Variants in AGBL4 observed in about 807,000 individuals in gnomAD.
The protein encoded by AGBL4 is AGBL carboxypeptidase 4, also known as cytosolic carboxypeptidase 6.
Under a neutral mutation model 66.4 loss-of-function variants are expected in AGBL4, and 58 were observed. The ratio of observed to expected loss-of-function variants is 0.87; its 90% CI spans 0.71 to 1.09. The LOEUF (loss-of-function observed/expected upper bound fraction) is 1.09, where lower values mean the gene tolerates loss of function less well. Among genes scored for constraint, AGBL4 ranks in the 50% least tolerant of loss-of-function variants. The probability of loss-of-function intolerance (pLI) is 0.00; values close to 1 mark genes in which losing one functional copy is unlikely to be tolerated. For missense variants in AGBL4, 579 were observed against 631.0 expected (o/e 0.92, Z 0.88); for synonymous variants, 234 against 222.9 (o/e 1.05, Z -0.44).
At chr1:49,506,923 A>G (rs1401611971) in intron 3 of AGBL4, among the ~76,000 whole-genome samples, 2 of 152,004 alleles carry the variant, frequency 1.3e-5, no homozygotes, top group African/African-American at 4.8e-5. Flanking sequence ...ATGGTTCCCA[A>G]TGAACCATAC....
intron 2 of AGBL4, among the ~76,000 whole-genome samples, chr1:49,738,025 G>A (rs1650047595): frequency 6.6e-6 from 1 of 152,198 alleles, no homozygotes; most frequent in African/African-American, 2.4e-5. Context: ...TGAGGTACCA[G>A]GTTCATTTCA....
Position 50,023,791 on chromosome 1 carries a change from C to T in AGBL4, c.6G>A (p.Ala2=), listed in dbSNP as rs1294938916. ...CCTCAGGCGCCGACTGGCTCCCCTC[C>T]GCCATTTTTGTTGTCCCTCAGTCTC... is the stretch of plus-strand genomic sequence containing the variant. M[A]EGSQSAPEAG... is the part of the protein sequence containing the mutation. Residue 2 remains alanine, a synonymous_variant, in exon 1 of 14, where the codon GCG becomes GCA. Transcript: ENST00000371839. The T allele has an allele frequency of 2.6e-6, 4 of 1,549,360 alleles. No individual in the cohort carries two copies. The highest frequency in any genetic ancestry group is 3.5e-6 in the Non-Finnish European group (4 of 1,146,090).
rs748671096 is a variant in AGBL4, at chr1:49,757,576, A to G, written c.158-60139T>C. The stretch of plus-strand genomic sequence containing the variant: ...TTTCAACCAAAAGGCTGATAGTGAT[A>G]TGGACAATGAAGTCCAGGTTGAGGT... On this transcript the variant is annotated intron_variant, in intron 2 of 13. Transcript: ENST00000371839. 4.1e-4 allele frequency among the ~76,000 whole-genome samples: 63 copies of G among 152,192 alleles called. 1 individual carries two copies. The highest frequency in any genetic ancestry group is 7.2e-4 in the Admixed American group (11 of 15,280).
In AGBL4 at chr1:49,707,333, T is replaced by G. The variant is rs192481214; in HGVS notation, c.158-9896A>C. Among the ~76,000 whole-genome samples the G allele has an allele frequency of 6.6e-5, 10 of 151,786 alleles. No individual in the cohort carries two copies. The East Asian group carries it at 1.9e-3, about 29-fold the overall frequency. ...CTTTTTTATCTTTGTTGACTTAAAG[T>G]CTGTTTTATCAGAGACTAGGATTGC... On this transcript the variant is annotated intron_variant, in intron 2 of 13. Transcript: ENST00000371839.
At chr1:49,373,121 T>C (rs1356800209) in intron 3 of AGBL4, among the ~76,000 whole-genome samples, 1 of 152,186 alleles carries the variant, frequency 6.6e-6, no homozygotes, top group African/African-American at 2.4e-5. Flanking sequence ...AATTAACTAC[T>C]ACCTTCTACA....
At chr1:49,045,826 G>A (rs1644065112) in intron 4 of AGBL4, 26 bp from the exon 5 acceptor site, 3 of 1,526,304 alleles carry the variant, frequency 2.0e-6, no homozygotes, top group African/African-American at 2.8e-5. Flanking sequence ...AAAGAAATTT[G>A]GGCATATGAG....
chr1:49,402,549 T>G (rs1469372178), intron 3 of AGBL4, among the ~76,000 whole-genome samples: 1 of 151,328 alleles, frequency 6.6e-6, no homozygotes, highest in Non-Finnish European at 1.5e-5. Flanking sequence ...TGCTTGATAT[T>G]ATTTCAATAT....
At chr1:48,600,283 G>A (rs1285746836) in intron 9 of AGBL4, among the ~76,000 whole-genome samples, 1 of 152,142 alleles carries the variant, frequency 6.6e-6, no homozygotes, top group Non-Finnish European at 1.5e-5. Context: ...AGGGGTGTGG[G>A]AAGTTCCCAG....
chr1:49,514,678 C>G (rs1309727851), intron 3 of AGBL4, among the ~76,000 whole-genome samples: 1 of 151,972 alleles, frequency 6.6e-6, no homozygotes. Flanking sequence ...GGTACTGGTA[C>G]CAAAACAGAG....
At chr1:49,953,819 A>G (rs2148329449) in intron 1 of AGBL4, among the ~76,000 whole-genome samples, 1 of 152,008 alleles carries the variant, frequency 6.6e-6, no homozygotes, top group Middle Eastern at 3.4e-3. Context: ...TTGCTAAATC[A>G]CCTACCCAAT....
chr1:48,529,200 G>A (rs972228516), downstream of AGBL4, among the ~76,000 whole-genome samples: 1 of 151,872 alleles, frequency 6.6e-6, no homozygotes, highest in Non-Finnish European at 1.5e-5. Context: ...CTTTCTTCTG[G>A]ACACTCCTCT....
In AGBL4 at chr1:49,183,858, T is replaced by C. The variant is rs12069243; in HGVS notation, c.377+61912A>G. Among the ~76,000 whole-genome samples the C allele has an allele frequency of 2.0e-3, 312 of 152,246 alleles. 4 individuals are homozygous for C. The highest frequency in any genetic ancestry group is 7.0e-3 in the African/African-American group (290 of 41,566). ...AGACTTCCTTGACCTGACCACTCCA[T>C]GTGGTCACTGGCCACTCCATGTGGT... On this transcript the variant is annotated intron_variant, in intron 4 of 13. Transcript: ENST00000371839.
intron 2 of AGBL4, among the ~76,000 whole-genome samples, chr1:49,825,775 C>T (rs1645493412): frequency 6.6e-6 from 1 of 152,018 alleles, no homozygotes; most frequent in Non-Finnish European, 1.5e-5. Flanking sequence ...GGATCTCTAA[C>T]CTGCTGGCCC....
intron 5 of AGBL4, among the ~76,000 whole-genome samples, chr1:48,973,620 AC>A (rs1659089102): frequency 6.6e-6 from 1 of 152,164 alleles, no homozygotes; most frequent in Non-Finnish European, 1.5e-5. Context: ...AAGAGCTATA[AC>A]AGGCAGCAAA....
intron 3 of AGBL4, among the ~76,000 whole-genome samples, chr1:49,583,287 A>G (rs750335002): frequency 7.2e-5 from 11 of 152,092 alleles, no homozygotes; most frequent in Non-Finnish European, 4.4e-5. Context: ...CACACTCCCA[A>G]CTCCATGTGG....
intron 5 of AGBL4, among the ~76,000 whole-genome samples, chr1:48,981,086 G>A (rs1414547414): frequency 1.3e-5 from 2 of 152,098 alleles, no homozygotes; most frequent in Non-Finnish European, 2.9e-5. Flanking sequence ...ATAAAACATG[G>A]ATAAGCTCAC....
At chr1:49,301,254 A>T (rs190729123) in intron 3 of AGBL4, among the ~76,000 whole-genome samples, 1 of 152,302 alleles carries the variant, frequency 6.6e-6, no homozygotes, top group East Asian at 1.9e-4. Flanking sequence ...AGAGGAAAAA[A>T]GGCAGTTAGT....
chr1:48,642,461 G>A (rs189495794), intron 8 of AGBL4, among the ~76,000 whole-genome samples: 94 of 152,118 alleles, frequency 6.2e-4, no homozygotes, highest in Admixed American at 3.1e-3. Context: ...CAAACACTGG[G>A]TTCAGGTGGA....
At chr1:48,540,815 C>T (rs912197765) in intron 11 of AGBL4, among the ~76,000 whole-genome samples, 3 of 152,156 alleles carry the variant, frequency 2.0e-5, no homozygotes, top group Non-Finnish European at 4.4e-5. Context: ...AATAGGCCAG[C>T]ATCATCTTTC....
Sources: allele counts gnomAD v4.1 joint callset (sites outside exome capture counted in the v4.1 genomes callset), GRCh38; gene constraint gnomAD v4.1.1; transcripts MANE v1.5; gene names NCBI Gene and HGNC (gene_info 2026-07-23, HGNC 2026-07-21).